The following MYH13 variants were observed in gnomAD, a reference collection of about 807,000 sequenced individuals.
The protein encoded by MYH13 is myosin heavy chain 13.
Under a neutral mutation model 232.1 loss-of-function variants are expected in MYH13, and 177 were observed. The observed-to-expected ratio is 0.76, with a 90% confidence interval of 0.67 to 0.86. The LOEUF (loss-of-function observed/expected upper bound fraction) is 0.86. Among genes scored for constraint, MYH13 ranks in the 40% least tolerant of loss-of-function variants. The pLI is 0.00. For missense variants in MYH13, 2,246 were observed against 2,405.9 expected (o/e 0.93, Z 1.39); for synonymous variants, 884 against 923.5 (o/e 0.96, Z 0.78).
chr17:10,314,911 G>C (rs144314176), intron 29 of MYH13, among the ~76,000 whole-genome samples: 15 of 152,306 alleles, frequency 9.8e-5, no homozygotes, highest in African/African-American at 3.4e-4. Context: ...TTGAAATCAA[G>C]AAGGTGATGA....
intron 32 of MYH13, 26 bp from the exon 33 acceptor site, chr17:10,311,253 C>T: frequency 6.2e-7 from 1 of 1,613,036 alleles, no homozygotes; most frequent in Non-Finnish European, 8.5e-7. Context: ...TTGATTTAGG[C>T]TGTTTCAACA....
chr17:10,345,820 C>T lies in MYH13; in HGVS notation c.1264-204G>A, dbSNP rs1313266533. On this transcript the variant is annotated intron_variant, in intron 13 of 40. Coordinates refer to ENST00000252172, the MANE Select transcript of MYH13 (RefSeq NM_003802.3). ...CCATCCTGGCCAACATGGTGAAACC[C>T]CGTCTCTACTAAAAATACAAAAATT... is the stretch of plus-strand genomic sequence containing the variant. Among the ~76,000 whole-genome samples the T allele has an allele frequency of 1.3e-5, 2 of 151,950 alleles. 1 individual carries two copies. The highest frequency in any genetic ancestry group is 4.8e-5 in the African/African-American group (2 of 41,452).
chr17:10,336,521 G>A (rs2071576571), intron 18 of MYH13, among the ~76,000 whole-genome samples: 1 of 152,066 alleles, frequency 6.6e-6, no homozygotes, highest in Non-Finnish European at 1.5e-5. Flanking sequence ...CCCTTCCCGG[G>A]GCTAGCCATT....
chr17:10,336,880 G>A (rs959880414), intron 18 of MYH13, among the ~76,000 whole-genome samples: 9 of 150,344 alleles, frequency 6.0e-5, no homozygotes, highest in African/African-American at 1.5e-4. Context: ...GCTTCCCCTC[G>A]TGGCCCTCTG....
intron 11 of MYH13, among the ~76,000 whole-genome samples, chr17:10,351,447 G>A (rs2071710268): frequency 6.6e-6 from 1 of 152,068 alleles, no homozygotes; most frequent in African/African-American, 2.4e-5. Flanking sequence ...TGGAATATTA[G>A]ATCTGGAAGG....
intron 16 of MYH13, among the ~76,000 whole-genome samples, chr17:10,340,790 C>A (rs1271046400): frequency 4.6e-5 from 7 of 152,052 alleles, no homozygotes; most frequent in Non-Finnish European, 1.0e-4. Context: ...CATGAGCCAC[C>A]TTGCCTGGCC....
rs756750016 is a variant in MYH13 at position 10,313,196 on chromosome 17, C to T, written c.4143G>A (p.Thr1381=). 2.9e-5 allele frequency: 47 copies of T among 1,614,046 alleles called. No individual in the cohort carries two copies. The highest frequency in any genetic ancestry group is 4.5e-5 in the East Asian group (2 of 44,880). The part of the protein sequence containing the change: ...EVAQWRTKYE[T]DAIQRTEELE... ...GCTCCTCTGTGCGCTGAATGGCGTC[C>T]GTCTCGTATTTGGTCCTCCACTGGG... Residue 1381 remains threonine (T), a synonymous_variant, in exon 30 of 41, where the codon ACG becomes ACA. Transcript: ENST00000252172.
chr17:10,313,990 C>T (rs1421370252), intron 29 of MYH13, among the ~76,000 whole-genome samples: 1 of 152,192 alleles, frequency 6.6e-6, no homozygotes, highest in Non-Finnish European at 1.5e-5. Flanking sequence ...CTCCATCCCT[C>T]ACTCCCTCCC....
At chr17:10,354,869 A>T (rs2071736955) in intron 10 of MYH13, 26 bp downstream of exon 10, 1 of 1,590,436 alleles carries the variant, frequency 6.3e-7, no homozygotes, top group African/African-American at 1.3e-5. Flanking sequence ...GATTTGGAAC[A>T]TAAGAAAGGT....
chr17:10,359,422 C>G (rs1468385516), intron 7 of MYH13, among the ~76,000 whole-genome samples: 1 of 152,218 alleles, frequency 6.6e-6, no homozygotes, highest in African/African-American at 2.4e-5. Context: ...GACCCTGCCC[C>G]TCCCCCATAC....
At chr17:10,368,223 G>A (rs545632713) in intron 2 of MYH13, among the ~76,000 whole-genome samples, 15 of 152,278 alleles carry the variant, frequency 9.9e-5, no homozygotes, top group Non-Finnish European at 1.8e-4. Context: ...AGCTAATGGT[G>A]GCAAATACAT....
Position 10,306,721 on chromosome 17 carries a change from A to G in MYH13, c.5296-92T>C. ...GGCGAAGGCTGGGATCATGGTGCTG[A>G]GCCTCCCCTGTCTGACTGGGGCCAG... On this transcript the variant is annotated intron_variant, in intron 36 of 40. Coordinates refer to ENST00000252172, the MANE Select transcript of MYH13 (RefSeq NM_003802.3). This position sits in a 1 kb window ranked among gnomAD's most constrained non-coding sequence, Gnocchi z 4.3. The G allele has an allele frequency of 6.4e-7, 1 of 1,567,472 alleles. No homozygotes were observed. Among genetic ancestry groups the G allele is most frequent in the Non-Finnish European group, 8.6e-7 (1 of 1,159,828 alleles).
At chr17:10,346,170 T>G (rs1254519400) in intron 13 of MYH13, among the ~76,000 whole-genome samples, 1 of 152,140 alleles carries the variant, frequency 6.6e-6, no homozygotes, top group Non-Finnish European at 1.5e-5. Flanking sequence ...AACAACATGG[T>G]TATAGCACAT....
rs200221550 is a variant in MYH13, at chr17:10,327,889, C to T, written c.2668G>A (p.Asp890Asn). The T allele has an allele frequency of 2.9e-4, 465 of 1,613,172 alleles. 3 individuals carry two copies. The highest frequency in any genetic ancestry group is 8.2e-5 in the Non-Finnish European group (97 of 1,179,708). ...ACAGACTGGACCTGCAATTGGAGGT[C>T]ATTCTTCTCCTGCAGGAGGGAGACC... ...KMVSLLQEKN[D>N]LQLQVQSETE... The change falls in exon 22 of 41, where the codon GAC (aspartate) becomes AAC (asparagine). Residue 890 changes from aspartate to asparagine, a missense_variant. Asp to Asn is a conservative substitution (Grantham distance 23). Coordinates refer to ENST00000252172, the MANE Select transcript of MYH13 (RefSeq NM_003802.3).
intron 29 of MYH13, among the ~76,000 whole-genome samples, chr17:10,314,842 C>T (rs1351809938): frequency 6.6e-6 from 1 of 152,170 alleles, no homozygotes; most frequent in Non-Finnish European, 1.5e-5. Flanking sequence ...ACTATTCTTG[C>T]CCTCCATGAG....
chr17:10,350,621 T>C lies in MYH13; in HGVS notation c.1079A>G (p.His360Arg). Residue 360 changes from histidine (H) to arginine (R), a missense_variant, in exon 12 of 41, where the codon CAT becomes CGT. Physicochemically the swap from His to Arg is conservative, Grantham distance 29. Coordinates refer to ENST00000252172, the MANE Select transcript of MYH13 (RefSeq NM_003802.3). ...GIYKLTGAVM[H>R]YGNMKFKQKQ... ...CTGCTTGAACTTCATGTTCCCATAA[T>C]GCATCACGGCTCCCGTCAGTTTGTA... The C allele has an allele frequency of 1.2e-6, 2 of 1,613,836 alleles. No individual in the cohort carries two copies. The highest frequency in any genetic ancestry group is 2.2e-5 in the South Asian group (2 of 91,060).
In MYH13 at chr17:10,321,712, G is replaced by C. The variant is rs1457040215; in HGVS notation, c.2935-4C>G. On this transcript the variant is annotated splice_polypyrimidine_tract_variant and splice_region_variant and intron_variant, in intron 23 of 40. Coordinates refer to ENST00000252172, the MANE Select transcript of MYH13 (RefSeq NM_003802.3). ...TTTCTTCGGAAAGATTCTTTACCTG[G>C]GACAATATTAACACCGATTTAATAT... The C allele has an allele frequency of 1.2e-6, 2 of 1,609,786 alleles. No homozygotes were observed. The highest frequency in any genetic ancestry group is 1.7e-6 in the Non-Finnish European group (2 of 1,177,774).
chr17:10,351,234 A>AAAAAAAAAAG (rs796765349), intron 11 of MYH13, among the ~76,000 whole-genome samples: 3 of 150,408 alleles, frequency 2.0e-5, no homozygotes, highest in African/African-American at 7.3e-5. Flanking sequence ...AAAAAAAAAA[A>AAAAAAAAAAG]AGAGAACTGA....
intron 5 of MYH13, 114 bp from the exon 6 acceptor site, chr17:10,360,302 T>C: frequency 8.3e-7 from 1 of 1,209,640 alleles, no homozygotes; most frequent in Admixed American, 2.0e-5. Flanking sequence ...TCTTTGCCAT[T>C]AACCACTGGT....
Sources: gnomAD v4.1 joint callset for allele counts (sites outside exome capture counted in the v4.1 genomes callset) on GRCh38, gnomAD v4.1.1 for gene constraint, Gnocchi (gnomAD v3.1) non-coding constraint, MANE v1.5 for transcripts, NCBI Gene and HGNC (gene_info 2026-07-23, HGNC 2026-07-21) for gene names.